The following APOB variants were observed in gnomAD, a reference collection of about 807,000 sequenced individuals.
The protein encoded by APOB is apolipoprotein B.
APOB carries 153 observed loss-of-function variants against 314.1 expected under a neutral mutation model. The ratio of observed to expected loss-of-function variants is 0.49; its 90% CI spans 0.43 to 0.56. The LOEUF is 0.56. APOB is among the 20% of genes least tolerant of loss of function. The pLI, the probability that APOB is intolerant of heterozygous loss-of-function variation, is 0.00. For missense variants in APOB, 5,430 were observed against 5,350.7 expected, an observed-to-expected ratio of 1.01 and a Z score of -0.46; for synonymous variants, 2,087 against 2,036.4, an observed-to-expected ratio of 1.02 and a Z score of -0.67.
Position 21,010,569 on chromosome 2 carries a change from T to C in APOB, c.6299A>G (p.Lys2100Arg), listed in dbSNP as rs759625371. Residue 2100 changes from lysine (K) to arginine (R), a missense_variant, in exon 26 of 29, where the codon AAG (lysine) becomes AGG (arginine). By Grantham distance (26) the Lys-to-Arg change is conservative. Around this residue, in one of 3 missense-constraint regions of APOB, gnomAD observed 3,281 missense variants for 3,171.0 expected, o/e 1.03. Coordinates refer to ENST00000233242, the MANE Select transcript of APOB (RefSeq NM_000384.3). ...VVLENVQRNL[K>R]HINIDQFVRK... ...TACAAATTGATCAATATTGATGTGC[T>C]TCAGGTTTCTCTGTACGTTTTCCAG... 6.2e-7 allele frequency: 1 copy of C among 1,613,658 alleles called. No homozygotes were observed. The highest frequency in any genetic ancestry group is 8.5e-7 in the Non-Finnish European group (1 of 1,179,794).
In APOB at chr2:21,010,724, C is replaced by A. The variant is rs750787950; in HGVS notation, c.6144G>T (p.Lys2048Asn). ...DALEMRDAVE[K>N]PQEFTIVAFV... ...AAGCAACAATTGTAAATTCTTGGGG[C>A]TTCTCAACGGCATCTCTCATCTCTA... The change falls in exon 26 of 29, where the codon AAG becomes AAT. Residue 2048 changes from lysine to asparagine, a missense_variant. By Grantham distance (94) the Lys-to-Asn change is moderately conservative. Transcript: ENST00000233242. 1.2e-6 allele frequency: 2 copies of A among 1,613,818 alleles called. No homozygotes were observed. Among genetic ancestry groups the A allele is most frequent in the Non-Finnish European group, 1.7e-6 (2 of 1,179,898 alleles).
In APOB at chr2:21,006,640, G is replaced by T; in HGVS notation, c.10228C>A (p.His3410Asn). The change falls in exon 26 of 29, where the codon CAT (histidine) becomes AAT (asparagine). Residue 3410 changes from histidine (H) to asparagine (N), a missense_variant. By Grantham distance (68) the His-to-Asn change is moderately conservative (BLOSUM62 1). Transcript: ENST00000233242. ...GTGGTTAAGCTCACAGTACTGTTAT[G>T]ACTACCCTCCACAAATTTGTTGCTC... ...SLSNKFVEGS[H>N]NSTVSLTTKN... 1 of 1,614,056 alleles carries T rather than the reference G, an allele frequency of 6.2e-7. No homozygotes were observed. The highest frequency in any genetic ancestry group is 8.5e-7 in the Non-Finnish European group (1 of 1,179,960).
At chr2:21,020,358 C>A (rs745575318) in intron 18 of APOB, among the ~76,000 whole-genome samples, 1 of 152,188 alleles carries the variant, frequency 6.6e-6, no homozygotes, top group Non-Finnish European at 1.5e-5. Flanking sequence ...CTCCCCTATG[C>A]TCCTTTCTTT....
rs1396697149 is a variant in APOB, at chr2:21,006,000, T to C, written c.10868A>G (p.Asn3623Ser). 6.2e-7 allele frequency: 1 copy of C among 1,614,036 alleles called. No individual in the cohort carries two copies. Among genetic ancestry groups the C allele is most frequent in the South Asian group, 1.1e-5 (1 of 91,078 alleles). Reference sequence around the variant, plus strand: ...GATCTTCTGGTTCTTAGTGTTAGCATTCAGGGCCACTTCCTGGCCAAGGTC... The same window carrying C: ...GATCTTCTGGTTCTTAGTGTTAGCACTCAGGGCCACTTCCTGGCCAAGGTC... ...FPDLGQEVALNANTKNQKIRW... is the reference protein window; with the variant it reads ...FPDLGQEVALSANTKNQKIRW... Residue 3623 changes from asparagine to serine, a missense_variant, in exon 26 of 29, where the codon AAT becomes AGT. Physicochemically the swap from Asn to Ser is conservative, Grantham distance 46. This residue lies in a region of APOB where 3,281 missense variants were observed against 3,171.0 expected (regional missense o/e 1.03). Coordinates refer to ENST00000233242, the MANE Select transcript of APOB (RefSeq NM_000384.3).
rs770171852 is a variant in APOB, at chr2:21,011,270, A to G, written c.5598T>C (p.His1866=). 6.2e-7 allele frequency: 1 copy of G among 1,614,180 alleles called. No individual in the cohort carries two copies. Among genetic ancestry groups the G allele is most frequent in the South Asian group, 1.1e-5 (1 of 91,082 alleles). Residue 1866 remains histidine (H), a synonymous_variant, in exon 26 of 29, where the codon CAT becomes CAC. Coordinates refer to ENST00000233242, the MANE Select transcript of APOB (RefSeq NM_000384.3). ...GCCCAGCGATGTCTGTGTTGAGCCG[A>G]TGGCTAAACTCCACACCCTGAACCT... ...VAKVQGVEFS[H]RLNTDIAGLA...
chr2:21,002,546 G>A lies in APOB; in HGVS notation c.12876C>T (p.Thr4292=), dbSNP rs546024019. The A allele has an allele frequency of 3.1e-6, 5 of 1,613,828 alleles. No individual in the cohort carries two copies. Among genetic ancestry groups the A allele is most frequent in the Non-Finnish European group, 4.2e-6 (5 of 1,179,854 alleles). ...EVFKAIQSLK[T]TEVLRNLQDL... ...CCTGAAGATTACGTAGCACCTCTGT[G>A]GTCTTGAGAGACTGAATGGCTTTAA... Residue 4292 remains threonine (T), a synonymous_variant, in exon 29 of 29, where the codon ACC becomes ACT. Transcript: ENST00000233242.
At position 21,001,915 on chromosome 2, in the gene APOB, A is replaced by C. The variant is rs757136007; in HGVS notation, c.13507T>G (p.Ser4503Ala). The C allele has an allele frequency of 6.2e-7, 1 of 1,614,058 alleles. No individual in the cohort carries two copies. The highest frequency in any genetic ancestry group is 1.1e-5 in the South Asian group (1 of 91,086). Reference protein sequence around the residue: ...QQFRYKLQDFSDQLSDYYEKF... With the variant: ...QQFRYKLQDFADQLSDYYEKF... ...TCATAGTAATCAGAGAGTTGGTCTGAAAAATCTTGCAGTTTATATCTAAAC... is the reference window on the plus strand; with the variant it reads ...TCATAGTAATCAGAGAGTTGGTCTGCAAAATCTTGCAGTTTATATCTAAAC... Residue 4503 changes from serine (S) to alanine (A), a missense_variant, in exon 29 of 29, where the codon TCA becomes GCA. Ser to Ala is a moderately conservative substitution (Grantham distance 99). Transcript: ENST00000233242.
chr2:21,014,541 G>A lies in APOB; in HGVS notation c.3749C>T (p.Thr1250Ile), dbSNP rs1429864381. The A allele has an allele frequency of 1.2e-6, 2 of 1,613,970 alleles. No individual in the cohort carries two copies. Among genetic ancestry groups the A allele is most frequent in the African/African-American group, 1.3e-5 (1 of 74,908 alleles). Residue 1250 changes from threonine (T) to isoleucine (I), a missense_variant, in exon 24 of 29, where the codon ACT becomes ATT. Coordinates refer to ENST00000233242, the MANE Select transcript of APOB (RefSeq NM_000384.3). ...KASGSLPYTQ[T>I]LQDHLNSLKE... ...CAGGCTATTGAGGTGGTCTTGCAAA[G>A]TCTGGGTATAAGGAAGACTCCCAGA...
In APOB at chr2:21,006,985, A is replaced by C; in HGVS notation, c.9883T>G (p.Tyr3295Asp). 3 of 1,614,068 alleles carry C rather than the reference A, an allele frequency of 1.9e-6. No homozygotes were observed. The highest frequency in any genetic ancestry group is 2.5e-6 in the Non-Finnish European group (3 of 1,179,956). ...ILGSDVRVPS[Y>D]TLILPSLELP... ...TCTAATGATGGCAGGATTAATGTGT[A>C]TGAAGGCACACGGACGTCAGAACCT... is the stretch of plus-strand genomic sequence containing the variant. The change falls in exon 26 of 29, where the codon TAC becomes GAC. Residue 3295 changes from tyrosine to aspartate, a missense_variant. By Grantham distance (160) the Tyr-to-Asp change is radical (BLOSUM62 -3). This residue lies in a region of APOB where 3,281 missense variants were observed against 3,171.0 expected (regional missense o/e 1.03). Transcript: ENST00000233242.
intron 21 of APOB, among the ~76,000 whole-genome samples, chr2:21,015,954 A>G (rs541923839): frequency 2.4e-4 from 36 of 152,276 alleles, no homozygotes; most frequent in Middle Eastern, 3.4e-3. Context: ...GTGCCTGATA[A>G]ATGGTAGGAA....
intron 4 of APOB, among the ~76,000 whole-genome samples, chr2:21,038,473 A>G (rs1013212431): frequency 2.0e-5 from 3 of 152,110 alleles, no homozygotes; most frequent in Admixed American, 1.3e-4. Flanking sequence ...AGTAGCTAGG[A>G]CTACTGGCAT....
intron 14 of APOB, among the ~76,000 whole-genome samples, 159 bp downstream of exon 14, chr2:21,027,669 G>A (rs1341896816): frequency 6.6e-6 from 1 of 152,154 alleles, no homozygotes; most frequent in Non-Finnish European, 1.5e-5. Flanking sequence ...CGGGGAGAGA[G>A]GAAGGCGGGG....
chr2:21,007,933 C>A lies in APOB; in HGVS notation c.8935G>T (p.Gly2979Cys). Residue 2979 changes from glycine (G) to cysteine (C), a missense_variant, in exon 26 of 29, where the codon GGC becomes TGC. By Grantham distance (159) the Gly-to-Cys change is radical. Around this residue, in one of 3 missense-constraint regions of APOB, gnomAD observed 3,281 missense variants for 3,171.0 expected, o/e 1.03. Transcript: ENST00000233242. Reference protein sequence around the residue: ...RVNQNLVYESGSLNFSKLEIQ... With the variant: ...RVNQNLVYESCSLNFSKLEIQ... ...TCAAGTTTAGAAAAGTTGAGGGAGCCAGATTCATAAACCAAGTTTTGGTTT... is the reference window on the plus strand; with the variant it reads ...TCAAGTTTAGAAAAGTTGAGGGAGCAAGATTCATAAACCAAGTTTTGGTTT... 6.2e-7 allele frequency: 1 copy of A among 1,614,020 alleles called. No homozygotes were observed. The highest frequency in any genetic ancestry group is 8.5e-7 in the Non-Finnish European group (1 of 1,179,952).
Position 21,013,861 on chromosome 2 carries a change from C to A in APOB, c.3843-328G>T, listed in dbSNP as rs143870044. On this transcript the variant is annotated intron_variant, in intron 24 of 28. Transcript: ENST00000233242. ...ATTTTGCTTATATAATTAATTATTTCTCATTTGTTGATGTCTCCATGGTAT... is the reference window on the plus strand; with the variant it reads ...ATTTTGCTTATATAATTAATTATTTATCATTTGTTGATGTCTCCATGGTAT... Among the ~76,000 whole-genome samples the A allele has an allele frequency of 1.4e-3, 207 of 152,308 alleles. 2 individuals carry two copies. Among genetic ancestry groups the A allele is most frequent in the East Asian group, 0.013 (66 of 5,190 alleles).
Position 21,033,315 on chromosome 2 carries a change from G to T in APOB, c.1108C>A (p.Leu370Met). The T allele has an allele frequency of 1.2e-6, 2 of 1,613,812 alleles. No homozygotes were observed. The highest frequency in any genetic ancestry group is 1.7e-6 in the Non-Finnish European group (2 of 1,179,678). ...ATTAGATACCTGGACACCTCAATCA[G>T]CTGTGGCAAGAGAGATGTGACTGCT... The part of the protein sequence containing the change: ...DEAVTSLLPQ[L>M]IEVSSPITLQ... The change falls in exon 9 of 29, where the codon CTG becomes ATG. Residue 370 changes from leucine (L) to methionine (M), a missense_variant. This residue lies in a region of APOB where 2,085 missense variants were observed against 2,079.7 expected (regional missense o/e 1.00). Transcript: ENST00000233242.
rs539998304 is a variant in APOB at position 21,019,228 on chromosome 2, T to C, written c.3000-115A>G. Reference sequence around the variant, plus strand: ...CAAAAATATGGTCCTTATTTTAACATTGTCTCTTGCCCTTAACTAAGATGA... The same window carrying C: ...CAAAAATATGGTCCTTATTTTAACACTGTCTCTTGCCCTTAACTAAGATGA... On this transcript the variant is annotated intron_variant, in intron 19 of 28. Transcript: ENST00000233242. 5 of 1,338,088 alleles carry C rather than the reference T, an allele frequency of 3.7e-6. No homozygotes were observed. In the East Asian group the frequency reaches 9.3e-5, roughly 25 times the overall value. The allele number at this position is 1,338,088 out of a possible 1,614,324, so 82.9% of individuals were successfully genotyped here.
At chr2:21,040,849 A>G in intron 4 of APOB, 89 bp downstream of exon 4, 1 of 1,430,486 alleles carries the variant, frequency 7.0e-7, no homozygotes, top group Non-Finnish European at 9.8e-7. Flanking sequence ...ACAAATACTT[A>G]CAGTCACATC....
chr2:21,006,843 G>C lies in APOB; in HGVS notation c.10025C>G (p.Ser3342Cys). The C allele has an allele frequency of 1.2e-6, 2 of 1,613,938 alleles. No homozygotes were observed. The highest frequency in any genetic ancestry group is 1.7e-6 in the Non-Finnish European group (2 of 1,179,848). The change falls in exon 26 of 29, where the codon TCC becomes TGC. Residue 3342 changes from serine (S) to cysteine (C), a missense_variant. By Grantham distance (112) the Ser-to-Cys change is moderately radical (BLOSUM62 -1). Around this residue, in one of 3 missense-constraint regions of APOB, gnomAD observed 3,281 missense variants for 3,171.0 expected, o/e 1.03. Coordinates refer to ENST00000233242, the MANE Select transcript of APOB (RefSeq NM_000384.3). ...CAGTGTGATGACACTTGATTTAAAG[G>C]AGAAATCATAGGTAATATTGCCCAT... is the stretch of plus-strand genomic sequence containing the variant. ...PAMGNITYDF[S>C]FKSSVITLNT...
At chr2:21,012,674 T>C (rs1213080896) in intron 25 of APOB, 23 bp from the exon 26 acceptor site, 6 of 1,605,034 alleles carry the variant, frequency 3.7e-6, no homozygotes, top group South Asian at 1.1e-5. Flanking sequence ...TGAAAAGACA[T>C]TGGTTAAATT....
Sources: allele counts gnomAD v4.1 joint callset (sites outside exome capture counted in the v4.1 genomes callset), GRCh38; gene constraint gnomAD v4.1.1; regional missense constraint gnomAD v4.1.1; transcripts MANE v1.5; gene names NCBI Gene and HGNC (gene_info 2026-07-23, HGNC 2026-07-21).